The following RELN variants were observed in gnomAD, a reference collection of about 807,000 sequenced individuals.
The protein encoded by RELN is reelin.
RELN carries 108 observed loss-of-function variants against 427.6 expected under a neutral mutation model. That is an observed-to-expected ratio of 0.25 (90% CI 0.22 to 0.30). The LOEUF (loss-of-function observed/expected upper bound fraction) is 0.30. Ranked by LOEUF, RELN falls within the 10% of genes least tolerant of loss-of-function variation. The pLI, the probability that RELN is intolerant of heterozygous loss-of-function variation, is 1.00. For synonymous variants in RELN, 1,524 were observed against 1,513.4 expected (o/e 1.01, Z -0.16); for missense variants, 3,715 against 4,302.8 (o/e 0.86, Z 3.82).
intron 15 of RELN, among the ~76,000 whole-genome samples, 154 bp downstream of exon 15, chr7:103,651,507 C>A (rs990753260): frequency 1.3e-5 from 2 of 152,044 alleles, no homozygotes; most frequent in African/African-American, 2.4e-5. Context: ...ACCAAAGATA[C>A]TATCTTTCTT....
intron 1 of RELN, among the ~76,000 whole-genome samples, chr7:103,933,307 A>C (rs2116713755): frequency 6.6e-6 from 1 of 152,278 alleles, no homozygotes; most frequent in South Asian, 2.1e-4. Context: ...TTACCATTTA[A>C]CAACTGGCTT....
At chr7:103,706,818 ACTCT>A (rs1834212090) in intron 8 of RELN, among the ~76,000 whole-genome samples, 1 of 151,834 alleles carries the variant, frequency 6.6e-6, no homozygotes, top group African/African-American at 2.4e-5. Context: ...CATCATCTCA[ACTCT>A]CTCTCAGGTT....
chr7:103,752,500 C>A (rs888247509), intron 5 of RELN, among the ~76,000 whole-genome samples: 1 of 151,972 alleles, frequency 6.6e-6, no homozygotes, highest in African/African-American at 2.4e-5. Context: ...GCCTTGAAAT[C>A]CTGGTTTACA....
chr7:103,986,883 G>C (rs890263101), intron 1 of RELN, among the ~76,000 whole-genome samples: 1 of 151,274 alleles, frequency 6.6e-6, no homozygotes, highest in Non-Finnish European at 1.5e-5. Context: ...AACCACAAAA[G>C]TACATGAGAT....
At chr7:103,655,949 A>G (rs1261428207) in intron 12 of RELN, among the ~76,000 whole-genome samples, 1 of 152,102 alleles carries the variant, frequency 6.6e-6, no homozygotes, top group Non-Finnish European at 1.5e-5. Context: ...TCTATTGATG[A>G]GAATTATGAT....
At chr7:103,819,695 T>C (rs1792968858) in intron 3 of RELN, among the ~76,000 whole-genome samples, 1 of 152,060 alleles carries the variant, frequency 6.6e-6, no homozygotes, top group South Asian at 2.1e-4. Flanking sequence ...ATATTTTGCT[T>C]TTCAAATAAT....
intron 24 of RELN, among the ~76,000 whole-genome samples, chr7:103,600,824 T>C (rs1831648806): frequency 6.6e-6 from 1 of 152,210 alleles, no homozygotes; most frequent in Non-Finnish European, 1.5e-5. Context: ...TGTGAAAATA[T>C]TCAATAAGAC....
chr7:103,700,133 G>T (rs568232564), intron 9 of RELN, among the ~76,000 whole-genome samples: 26 of 152,080 alleles, frequency 1.7e-4, no homozygotes, highest in Admixed American at 3.9e-4. Context: ...TTCTACTTAA[G>T]TTATGCTAAT....
At position 103,651,881 on chromosome 7, in the gene RELN, CA is replaced by C. The variant is rs1832923399; in HGVS notation, c.1764-93del. Reference sequence around the variant, plus strand: ...TTCAACTCTGGTTAAGTACATTAAACAACTGTAAAAACAGTGTAAAATTTTT... The same window carrying C: ...TTCAACTCTGGTTAAGTACATTAAACACTGTAAAAACAGTGTAAAATTTTT... On this transcript the variant is annotated intron_variant, in intron 14 of 64. Coordinates refer to ENST00000428762, the MANE Select transcript of RELN (RefSeq NM_005045.4). 5.2e-6 allele frequency: 7 copies of C among 1,337,112 alleles called. No individual in the cohort carries two copies. In the South Asian group the frequency reaches 8.7e-5, roughly 17 times the overall value. The allele number at this position is 1,337,112 out of a possible 1,614,324, so 82.8% of individuals were successfully genotyped here. A position where few individuals can be genotyped will look rare whatever the true frequency, so the allele number is the denominator to read the frequency against.
intron 1 of RELN, among the ~76,000 whole-genome samples, chr7:103,963,586 ATCT>A (rs1024479489): frequency 2.0e-5 from 3 of 152,190 alleles, no homozygotes; most frequent in African/African-American, 7.2e-5. Context: ...TTTTAACTAT[ATCT>A]TTTTTAAAAA....
chr7:103,631,441 A>T (rs1438245847), intron 19 of RELN, among the ~76,000 whole-genome samples: 1 of 151,896 alleles, frequency 6.6e-6, no homozygotes, highest in Non-Finnish European at 1.5e-5. Flanking sequence ...CTACAGGCAC[A>T]TGCCACCACA....
chr7:103,490,047 G>C, intron 59 of RELN, 148 bp from the exon 60 acceptor site: 1 of 892,152 alleles, frequency 1.1e-6, no homozygotes, highest in Non-Finnish European at 1.8e-6. Flanking sequence ...AGAGGTGAGA[G>C]AACTTGTATT....
intron 13 of RELN, 22 bp from the exon 14 acceptor site, chr7:103,652,781 A>G: frequency 6.2e-7 from 1 of 1,603,370 alleles, no homozygotes; most frequent in Non-Finnish European, 8.5e-7. Flanking sequence ...AGGAGACCAG[A>G]ATCACTCAAA....
intron 48 of RELN, 134 bp downstream of exon 48, chr7:103,521,888 G>C (rs1467177356): frequency 1.2e-6 from 1 of 836,574 alleles, no homozygotes; most frequent in African/African-American, 1.7e-5. Flanking sequence ...AAAGTTGCAA[G>C]TTCAGATCAG....
intron 1 of RELN, among the ~76,000 whole-genome samples, chr7:103,927,416 C>T (rs12155381): frequency 0.52 from 79,625 of 151,736 alleles, 21,465 homozygotes; most frequent in East Asian, 0.73. Context: ...AAAATAATGT[C>T]AAATAAATGA....
At position 103,472,555 on chromosome 7, in the gene RELN, C is replaced by G. The variant is rs1827890524; in HGVS notation, c.*257G>C. 1 of 448,914 alleles carries G rather than the reference C, an allele frequency of 2.2e-6. No homozygotes were observed. The highest frequency in any genetic ancestry group is 4.1e-6 in the Non-Finnish European group (1 of 245,206). 27.8% of individuals were successfully genotyped at this position (448,914 alleles called of 1,614,324 possible). On this transcript the variant is annotated 3_prime_UTR_variant, in exon 65 of 65. Transcript: ENST00000428762. ...AAACTGTTTCTTATTGTCAATACTG[C>G]CACTGTAACTGATATTACAACAGAT...
chr7:103,886,029 T>C (rs1020845453), intron 2 of RELN, among the ~76,000 whole-genome samples: 2 of 152,142 alleles, frequency 1.3e-5, no homozygotes, highest in Non-Finnish European at 2.9e-5. Flanking sequence ...TGAAAGTAAA[T>C]AGATCTTAAA....
At chr7:103,489,354 G>A (rs1160115287) in intron 60 of RELN, among the ~76,000 whole-genome samples, 1 of 152,070 alleles carries the variant, frequency 6.6e-6, no homozygotes, top group Admixed American at 6.6e-5. Context: ...GTAGGCACAG[G>A]CAGCTAGGCC....
intron 1 of RELN, among the ~76,000 whole-genome samples, chr7:103,958,679 A>G (rs1796485667): frequency 6.6e-6 from 1 of 152,224 alleles, no homozygotes; most frequent in African/African-American, 2.4e-5. Flanking sequence ...GTCATCAGCC[A>G]CACACAAGTG....
Sources: allele counts gnomAD v4.1 joint callset (sites outside exome capture counted in the v4.1 genomes callset), GRCh38; gene constraint gnomAD v4.1.1; transcripts MANE v1.5; gene names NCBI Gene and HGNC (gene_info 2026-07-23, HGNC 2026-07-21).